NDUFAF7: variants seen among roughly 807,000 people sequenced by gnomAD.
The protein encoded by NDUFAF7 is protein arginine methyltransferase NDUFAF7, mitochondrial.
NDUFAF7 carries 48 observed loss-of-function variants against 47.2 expected under a neutral mutation model. The ratio of observed to expected loss-of-function variants is 1.02; its 90% CI spans 0.81 to 1.29. NDUFAF7 has a LOEUF of 1.29. Ranked by LOEUF, NDUFAF7 falls within the 50% of genes most tolerant of loss-of-function variation. NDUFAF7 has a pLI of 0.00. For missense variants in NDUFAF7, 635 were observed against 537.6 expected, an observed-to-expected ratio of 1.18 and a Z score of -1.79; for synonymous variants, 217 against 190.0, an observed-to-expected ratio of 1.14 and a Z score of -1.17.
At chr2:37,251,999 A>T (rs1257870292), downstream of NDUFAF7, 1 of 152,234 alleles carries the variant, frequency 6.6e-6, no homozygotes, top group Non-Finnish European at 1.5e-5. Context: ...TTTTTTAAAT[A>T]GCTGGCTGCT....
intron 7 of NDUFAF7, 34 bp downstream of exon 7, chr2:37,244,007 C>T (rs775607154): frequency 4.1e-6 from 6 of 1,475,264 alleles, no homozygotes; most frequent in Non-Finnish European, 5.6e-6. Context: ...TCTTTTATTG[C>T]TCACAGAATC....
intron 8 of NDUFAF7, among the ~76,000 whole-genome samples, chr2:37,246,405 T>G (rs1666902661): frequency 6.6e-6 from 1 of 152,222 alleles, no homozygotes; most frequent in East Asian, 1.9e-4. Flanking sequence ...GGATCTGAAT[T>G]GTGTACATTC....
chr2:37,232,361 G>A lies in NDUFAF7; in HGVS notation c.216+95G>A, dbSNP rs576980209. 34 of 1,512,686 alleles carry A rather than the reference G, an allele frequency of 2.2e-5. No individual in the cohort carries two copies. The African/African-American group carries it at 3.3e-4, about 15-fold the overall frequency. 93.7% of individuals were successfully genotyped at this position (1,512,686 alleles called of 1,614,324 possible). A position where few individuals can be genotyped will look rare whatever the true frequency, so the allele number is the denominator to read the frequency against. ...AGCCCGAAGGTTCTCAGCCCAGGCAGTGGGGGTGCCTGCCAGGGGAAGAGC... is the reference window on the plus strand; with the variant it reads ...AGCCCGAAGGTTCTCAGCCCAGGCAATGGGGGTGCCTGCCAGGGGAAGAGC... On this transcript the variant is annotated intron_variant, in intron 2 of 9. Coordinates refer to ENST00000002125, the MANE Select transcript of NDUFAF7 (RefSeq NM_144736.5).
At chr2:37,238,318 A>T (rs1294311503) in intron 4 of NDUFAF7, among the ~76,000 whole-genome samples, 1 of 152,112 alleles carries the variant, frequency 6.6e-6, no homozygotes, top group African/African-American at 2.4e-5. Context: ...TAATCCAGCT[A>T]CTCAGGAGGC....
chr2:37,237,732 G>A, intron 3 of NDUFAF7, 25 bp from the exon 4 acceptor site: 3 of 1,444,398 alleles, frequency 2.1e-6, no homozygotes, highest in South Asian at 2.3e-5. Flanking sequence ...ACTTTAATAT[G>A]TGTTTTTTTT....
At chr2:37,251,342 A>G (rs1399632912), downstream of NDUFAF7, 2 of 152,552 alleles carry the variant, frequency 1.3e-5, no homozygotes, top group African/African-American at 4.8e-5. Flanking sequence ...GTAAGATTAG[A>G]GCCATACTAC....
chr2:37,247,508 A>G lies in NDUFAF7; in HGVS notation c.989A>G (p.Asp330Gly), dbSNP rs1667055228. 6.2e-7 allele frequency: 1 copy of G among 1,613,954 alleles called. No homozygotes were observed. Among genetic ancestry groups the G allele is most frequent in the African/African-American group, 1.3e-5 (1 of 74,928 alleles). ...GTCTTAATTGCCCCAGGAACAGCAG[A>G]TCTAACAGCTGATGTGGACTTCAGT... Reference protein sequence around the residue: ...HDVLIAPGTADLTADVDFSYL... With the variant: ...HDVLIAPGTAGLTADVDFSYL... Residue 330 changes from aspartate (D) to glycine (G), a missense_variant, in exon 9 of 10, where the codon GAT becomes GGT. Asp to Gly is a moderately conservative substitution (Grantham distance 94). Coordinates refer to ENST00000002125, the MANE Select transcript of NDUFAF7 (RefSeq NM_144736.5).
In NDUFAF7 at chr2:37,247,693, T is replaced by C. The variant is rs986090064; in HGVS notation, c.1110+64T>C. On this transcript the variant is annotated intron_variant, in intron 9 of 9. Coordinates refer to ENST00000002125, the MANE Select transcript of NDUFAF7 (RefSeq NM_144736.5). ...ATAGTATTTCAAAAATTACTTTAAA[T>C]AGTATGTTCACCTGGCCTTAATGCT... The C allele has an allele frequency of 4.4e-5, 69 of 1,571,112 alleles. No individual in the cohort carries two copies. The African/African-American group carries it at 6.5e-4, about 15-fold the overall frequency.
Position 37,237,774 on chromosome 2 carries a change from C to A in NDUFAF7, c.315C>A (p.Phe105Leu), listed in dbSNP as rs201958619. The change falls in exon 4 of 10, where the codon TTC becomes TTA. Residue 105 changes from phenylalanine (F) to leucine (L), a missense_variant. Coordinates refer to ENST00000002125, the MANE Select transcript of NDUFAF7 (RefSeq NM_144736.5). Reference sequence around the variant, plus strand: ...TTTCACAGCTACTAGGTATATGGTTCATTAGTGAATGGATGGCCACTGGAA... The same window carrying A: ...TTTCACAGCTACTAGGTATATGGTTAATTAGTGAATGGATGGCCACTGGAA... ...QIFGELLGIWFISEWMATGKS... is the reference protein window; with the variant it reads ...QIFGELLGIWLISEWMATGKS... The A allele has an allele frequency of 1.4e-5, 23 of 1,609,662 alleles. No homozygotes were observed. The African/African-American group carries it at 3.1e-4, about 22-fold the overall frequency.
chr2:37,247,339 G>T, intron 8 of NDUFAF7, 117 bp from the exon 9 acceptor site: 2 of 1,232,688 alleles, frequency 1.6e-6, no homozygotes, highest in South Asian at 2.6e-5. Flanking sequence ...GAATTAATGA[G>T]AGCTCTATTC....
chr2:37,245,901 G>A, intron 7 of NDUFAF7, 151 bp from the exon 8 acceptor site: 1 of 794,186 alleles, frequency 1.3e-6, no homozygotes, highest in East Asian at 2.7e-5. Context: ...AAGGGAGTCA[G>A]GTGAAAAGTT....
the NDUFAF7 span, chr2:37,268,240 C>T: frequency 1.5e-5 from 7 of 456,992 alleles, no homozygotes; most frequent in East Asian, 3.5e-4. Context: ...ATGGCACAAT[C>T]GTAAGTCTAC....
chr2:37,259,744 C>T, the NDUFAF7 span: 1 of 1,123,122 alleles, frequency 8.9e-7, no homozygotes, highest in Admixed American at 1.9e-5. Context: ...TCATGTGACT[C>T]CTTGAATGAT....
At chr2:37,261,541 G>C in the NDUFAF7 span, among the ~76,000 whole-genome samples, 1 of 151,828 alleles carries the variant, frequency 6.6e-6, no homozygotes, top group Non-Finnish European at 1.5e-5. Flanking sequence ...AACATTTTGC[G>C]AGGCCAAGGC....
intron 9 of NDUFAF7, 38 bp downstream of exon 9, chr2:37,247,667 C>CATACTTAAATTACTTTAA: frequency 6.2e-7 from 1 of 1,605,004 alleles, no homozygotes; most frequent in African/African-American, 1.3e-5. Flanking sequence ...TAAGTACTTT[C>CATACTTAAATTACTTTAA]ATAGTATTTC....
the NDUFAF7 span, chr2:37,269,573 T>G: frequency 1.9e-6 from 3 of 1,539,810 alleles, no homozygotes; most frequent in South Asian, 3.4e-5. Flanking sequence ...TTCCAGTTTT[T>G]AAAATAATGT....
At chr2:37,248,064 A>G in intron 9 of NDUFAF7, 71 bp from the exon 10 acceptor site, 1 of 1,198,678 alleles carries the variant, frequency 8.3e-7, no homozygotes, top group Admixed American at 2.0e-5. Flanking sequence ...TTTGAGAGTC[A>G]TTAGTATTGC....
chr2:37,248,218 G>T lies in NDUFAF7; in HGVS notation c.1194G>T (p.Met398Ile), dbSNP rs141651485. Reference protein sequence around the residue: ...GYDMLMNPKKMGERFNFFALL... With the variant: ...GYDMLMNPKKIGERFNFFALL... ...ATATGTTAATGAATCCAAAGAAGAT[G>T]GGAGAGAGATTTAACTTTTTTGCCT... Residue 398 changes from methionine (M) to isoleucine (I), a missense_variant, in exon 10 of 10, where the codon ATG (methionine) becomes ATT (isoleucine). Coordinates refer to ENST00000002125, the MANE Select transcript of NDUFAF7 (RefSeq NM_144736.5). 5.0e-6 allele frequency: 8 copies of T among 1,613,796 alleles called. No individual in the cohort carries two copies. The African/African-American group carries it at 1.1e-4, about 22-fold the overall frequency.
chr2:37,258,903 G>A, the NDUFAF7 span, among the ~76,000 whole-genome samples: 1 of 152,298 alleles, frequency 6.6e-6, no homozygotes, highest in Non-Finnish European at 1.5e-5. Context: ...TATTTGAGCT[G>A]ATCGGAGGAA....
Sources: gnomAD v4.1 joint callset for allele counts (sites outside exome capture counted in the v4.1 genomes callset) on GRCh38, gnomAD v4.1.1 for gene constraint, MANE v1.5 for transcripts, NCBI Gene and HGNC (gene_info 2026-07-23, HGNC 2026-07-21) for gene names.